HYCC1: variants seen among roughly 807,000 people sequenced by gnomAD.
HYCC1 encodes hyccin PI4KA lipid kinase complex subunit 1, also known as hyccin.
chr7:22,972,153 T>C, the HYCC1 span, among the ~76,000 whole-genome samples: 143 of 152,322 alleles, frequency 9.4e-4, no homozygotes, highest in African/African-American at 3.1e-3. Flanking sequence ...TACAATAATA[T>C]GCCAGCTGTC....
the HYCC1 span, among the ~76,000 whole-genome samples, chr7:22,959,580 A>G: frequency 6.6e-6 from 1 of 152,154 alleles, no homozygotes; most frequent in Non-Finnish European, 1.5e-5. Context: ...ACTTCTAGGT[A>G]GGAGGGAAGT....
chr7:22,976,441 A>G, the HYCC1 span: 1 of 703,396 alleles, frequency 1.4e-6, no homozygotes, highest in South Asian at 1.7e-5. Flanking sequence ...ACCAATAATG[A>G]AAAACTACAA....
the HYCC1 span, among the ~76,000 whole-genome samples, chr7:22,919,400 G>A: frequency 1.1e-4 from 17 of 152,138 alleles, no homozygotes; most frequent in Admixed American, 2.0e-4. Flanking sequence ...GTGGTGGCAC[G>A]TGCCTGTAAT....
the HYCC1 span, among the ~76,000 whole-genome samples, chr7:23,011,468 C>T: frequency 6.6e-6 from 1 of 152,200 alleles, no homozygotes. Context: ...CCTTCACAGT[C>T]CTGAGTCCTC....
chr7:22,948,488 G>C, the HYCC1 span, among the ~76,000 whole-genome samples: 2 of 152,208 alleles, frequency 1.3e-5, no homozygotes, highest in South Asian at 2.1e-4. Flanking sequence ...ATTAGTGTGA[G>C]ATATGACCTG....
At chr7:22,925,509 C>G in the HYCC1 span, among the ~76,000 whole-genome samples, 6 of 152,120 alleles carry the variant, frequency 3.9e-5, no homozygotes, top group South Asian at 2.1e-4. Context: ...AGCTGAAAAC[C>G]ACGGCACGAG....
At chr7:22,975,056 T>C in the HYCC1 span, among the ~76,000 whole-genome samples, 2 of 152,358 alleles carry the variant, frequency 1.3e-5, no homozygotes, top group African/African-American at 2.4e-5. Flanking sequence ...CGGGTATTTC[T>C]TCATAGCAGT....
chr7:22,941,973 T>G, the HYCC1 span: 1 of 152,210 alleles, frequency 6.6e-6, no homozygotes, highest in Non-Finnish European at 1.5e-5. Context: ...TCAGTTACAT[T>G]ATTCAACATG....
chr7:22,932,487 A>T, the HYCC1 span, among the ~76,000 whole-genome samples: 1 of 152,138 alleles, frequency 6.6e-6, no homozygotes. Context: ...TTGATTGGAA[A>T]TATCTCTCTT....
At chr7:22,932,987 G>C in the HYCC1 span, among the ~76,000 whole-genome samples, 1 of 152,184 alleles carries the variant, frequency 6.6e-6, no homozygotes, top group Non-Finnish European at 1.5e-5. Flanking sequence ...CAGAAGTAGA[G>C]ATTGGAGTGA....
chr7:22,899,331 G>T, the HYCC1 span, among the ~76,000 whole-genome samples: 3 of 152,100 alleles, frequency 2.0e-5, no homozygotes, highest in Admixed American at 1.3e-4. Context: ...ACAGCATGGG[G>T]GGCCTGGGGA....
chr7:22,896,806 T>A, the HYCC1 span, among the ~76,000 whole-genome samples: 1 of 152,208 alleles, frequency 6.6e-6, no homozygotes, highest in East Asian at 1.9e-4. Flanking sequence ...GCTCTGAACA[T>A]TGGACAAGTC....
At chr7:22,919,597 T>C in the HYCC1 span, among the ~76,000 whole-genome samples, 3 of 151,034 alleles carry the variant, frequency 2.0e-5, no homozygotes, top group Admixed American at 6.6e-5. Flanking sequence ...TTAGGAGATA[T>C]GAATTATTAA....
At chr7:22,978,322 T>C in the HYCC1 span, 1 of 1,614,098 alleles carries the variant, frequency 6.2e-7, no homozygotes, top group Non-Finnish European at 8.5e-7. Flanking sequence ...CTATGCACAT[T>C]TCTGCTGGCT....
At chr7:22,929,257 A>T in the HYCC1 span, among the ~76,000 whole-genome samples, 4 of 152,328 alleles carry the variant, frequency 2.6e-5, no homozygotes, top group East Asian at 5.8e-4. Context: ...AACCTAGGCA[A>T]TACCATTCAG....
At chr7:23,002,870 T>A in the HYCC1 span, among the ~76,000 whole-genome samples, 1 of 151,938 alleles carries the variant, frequency 6.6e-6, no homozygotes, top group Non-Finnish European at 1.5e-5. Context: ...TTCAGGAGGG[T>A]TGGTTCCTTT....
chr7:22,968,253 T>C, the HYCC1 span, among the ~76,000 whole-genome samples: 1 of 152,166 alleles, frequency 6.6e-6, no homozygotes, highest in East Asian at 1.9e-4. Context: ...TTCCGGGTCA[T>C]ACCCCTAAAA....
chr7:22,947,613 T>C, the HYCC1 span, among the ~76,000 whole-genome samples: 1 of 152,092 alleles, frequency 6.6e-6, no homozygotes, highest in Admixed American at 6.6e-5. Flanking sequence ...TTTAAGATAA[T>C]ATGGTGACCA....
At chr7:22,983,530 G>A in the HYCC1 span, among the ~76,000 whole-genome samples, 18 of 152,118 alleles carry the variant, frequency 1.2e-4, no homozygotes, top group East Asian at 3.9e-4. Context: ...GTGCTTATCC[G>A]TAGACTGGAT....
Sources: gnomAD v4.1 joint callset for allele counts (sites outside exome capture counted in the v4.1 genomes callset) on GRCh38, gnomAD v4.1.1 for gene constraint, MANE v1.5 for transcripts, NCBI Gene and HGNC (gene_info 2026-07-23, HGNC 2026-07-21) for gene names.